The following SMIM24 variants were observed in gnomAD, a reference collection of about 807,000 sequenced individuals.
SMIM24 encodes MAP17-related dimer.
A neutral mutation model predicts 10.8 loss-of-function variants in SMIM24; 6 were observed. The observed-to-expected ratio is 0.55, with a 90% CI of 0.30 to 1.09. The LOEUF is 1.09. Among genes scored for constraint, SMIM24 ranks in the 50% least tolerant of loss-of-function variants. The probability of loss-of-function intolerance (pLI) is 0.06; values close to 1 mark genes in which losing one functional copy is unlikely to be tolerated. For missense variants in SMIM24, 151 were observed against 153.4 expected (o/e 0.98, Z 0.08); for synonymous variants, 71 against 62.4 (o/e 1.14, Z -0.65).
intron 3 of SMIM24, among the ~76,000 whole-genome samples, chr19:3,477,010 T>A (rs2082794804): frequency 7.3e-6 from 1 of 136,214 alleles, no homozygotes; most frequent in South Asian, 2.6e-4. Flanking sequence ...TGTGAACAGA[T>A]GAGTGGGTGG....
chr19:3,479,009 G>A, intron 1 of SMIM24, 80 bp from the exon 2 acceptor site: 6 of 1,161,554 alleles, frequency 5.2e-6, no homozygotes, highest in Non-Finnish European at 7.4e-6. Flanking sequence ...AGCAAGGAGA[G>A]AGAGAAGGTC....
chr19:3,475,391 T>C (rs999276240), intron 3 of SMIM24, among the ~76,000 whole-genome samples: 1 of 151,952 alleles, frequency 6.6e-6, no homozygotes, highest in African/African-American at 2.4e-5. Context: ...GGTGGGTAGG[T>C]GTGTAAAGAA....
chr19:3,475,837 G>A (rs567085443), intron 3 of SMIM24, among the ~76,000 whole-genome samples: 1 of 150,722 alleles, frequency 6.6e-6, no homozygotes, highest in East Asian at 2.0e-4. Context: ...TTGATGGATG[G>A]TGGATGGAAG....
At chr19:3,475,067 A>G in intron 3 of SMIM24, 71 bp from the exon 4 acceptor site, 1 of 1,481,384 alleles carries the variant, frequency 6.8e-7, no homozygotes, top group Non-Finnish European at 9.1e-7. Context: ...CACTCACTTG[A>G]GCCAGCCCAT....
chr19:3,474,522 A>G lies in SMIM24; in HGVS notation c.*321T>C, dbSNP rs958751985. On this transcript the variant is annotated 3_prime_UTR_variant, in exon 4 of 4. Transcript: ENST00000215531. ...GTAGACATCAGGCAGAGAGAAAAGA[A>G]ATCAGGCAGTGGGGAGAAGCAGGTG... is the stretch of plus-strand genomic sequence containing the variant. 2.9e-6 allele frequency: 1 copy of G among 339,308 alleles called. No homozygotes were observed. The highest frequency in any genetic ancestry group is 5.4e-6 in the Non-Finnish European group (1 of 185,808). The allele number at this position is 339,308 out of a possible 1,614,324, so 21.0% of individuals were successfully genotyped here.
intron 3 of SMIM24, among the ~76,000 whole-genome samples, chr19:3,477,740 AATGGGTGAGTGGGTGG>A (rs1272871258): frequency 5.0e-4 from 27 of 54,114 alleles, no homozygotes; most frequent in Non-Finnish European, 9.3e-4. Flanking sequence ...TGAGTGGGTG[AATGGGTGAGTGGGTGG>A]ATGGGTGAGT....
At position 3,475,662 on chromosome 19, in the gene SMIM24, TGGTGGGTGAATTGATGGGTG is replaced by T. The variant is rs570749990; in HGVS notation, c.240-686_240-667del. Reference sequence around the variant, plus strand: ...GGTAGGTGGATAGGTGATGGATGGATGGTGGGTGAATTGATGGGTGGGTGGGTGGATAAGTGAATGGGTGG... The same window carrying T: ...GGTAGGTGGATAGGTGATGGATGGATGGTGGGTGGATAAGTGAATGGGTGG... On this transcript the variant is annotated intron_variant, in intron 3 of 3. Transcript: ENST00000215531. Among the ~76,000 whole-genome samples the T allele has an allele frequency of 3.3e-4, 45 of 137,326 alleles. No individual in the cohort carries two copies. In the South Asian group the frequency reaches 0.011, roughly 33 times the overall value. The allele number at this position is 137,326 out of a possible 152,430, so 90.1% of individuals were successfully genotyped here. A position where few individuals can be genotyped will look rare whatever the true frequency, so the allele number is the denominator to read the frequency against.
intron 2 of SMIM24, 34 bp downstream of exon 2, chr19:3,478,784 C>A (rs2082804045): frequency 1.8e-6 from 2 of 1,089,370 alleles, no homozygotes; most frequent in Admixed American, 3.4e-5. Context: ...GGGGGCAGGG[C>A]TGTGGGGGCA....
At chr19:3,475,576 T>C (rs1169765212) in intron 3 of SMIM24, among the ~76,000 whole-genome samples, 1 of 131,770 alleles carries the variant, frequency 7.6e-6, no homozygotes, top group Non-Finnish European at 1.6e-5. Flanking sequence ...AATGGATGAG[T>C]AGACAGATGA....
At position 3,480,392 on chromosome 19, in the gene SMIM24, C is replaced by T. The variant is rs1176716074; in HGVS notation, c.67+5G>A. 1 of 1,547,122 alleles carries T rather than the reference C, an allele frequency of 6.5e-7. No homozygotes were observed. Among genetic ancestry groups the T allele is most frequent in the Non-Finnish European group, 8.7e-7 (1 of 1,145,186 alleles). On this transcript the variant is annotated splice_donor_5th_base_variant and intron_variant, in intron 1 of 3. Coordinates refer to ENST00000215531, the MANE Select transcript of SMIM24 (RefSeq NM_001136503.2). ...CGACGCCCCCTCCCGCCCCCCTGCA[C>T]CTACCCTGCTGGGCCTCCACCGGGG...
At position 3,478,674 on chromosome 19, in the gene SMIM24, G is replaced by T. The variant is rs932360486; in HGVS notation, c.179+144C>A. ...GGGCGGGTGCAAGCCCGGGATCTGG[G>T]CTCTGAGAGTAGAGGTTGGAGGAGC... On this transcript the variant is annotated intron_variant, in intron 2 of 3. Coordinates refer to ENST00000215531, the MANE Select transcript of SMIM24 (RefSeq NM_001136503.2). The T allele has an allele frequency of 1.3e-4, 109 of 846,212 alleles. 2 individuals carry two copies. In the South Asian group the frequency reaches 1.6e-3, roughly 13 times the overall value. The allele number at this position is 846,212 out of a possible 1,614,324, so 52.4% of individuals were successfully genotyped here.
chr19:3,475,956 A>G lies in SMIM24; in HGVS notation c.240-960T>C, dbSNP rs146192928. The stretch of plus-strand genomic sequence containing the variant: ...AGTAGTTACATGAATGGACTGCTGC[A>G]TGGAGGTTGAATAAATGAATTGGAA... On this transcript the variant is annotated intron_variant, in intron 3 of 3. Coordinates refer to ENST00000215531, the MANE Select transcript of SMIM24 (RefSeq NM_001136503.2). Among the ~76,000 whole-genome samples the G allele has an allele frequency of 7.9e-4, 120 of 152,098 alleles. 1 individual carries two copies. Among genetic ancestry groups the G allele is most frequent in the African/African-American group, 2.7e-3 (113 of 41,488 alleles).
chr19:3,474,896 G>C lies in SMIM24; in HGVS notation c.340C>G (p.Leu114Val). ...TGGTCTCCGGGCTCTTTTTCCTCCAGATCCAGTCCCAAGTTGCTCTCTCCT... is the reference window on the plus strand; with the variant it reads ...TGGTCTCCGGGCTCTTTTTCCTCCACATCCAGTCCCAAGTTGCTCTCTCCT... ...KEGESNLGLD[L>V]EEKEPGDHER... The change falls in exon 4 of 4, where the codon CTG becomes GTG. Residue 114 changes from leucine to valine, a missense_variant. Coordinates refer to ENST00000215531, the MANE Select transcript of SMIM24 (RefSeq NM_001136503.2). 1 of 1,551,626 alleles carries C rather than the reference G, an allele frequency of 6.4e-7. No homozygotes were observed. Among genetic ancestry groups the C allele is most frequent in the Non-Finnish European group, 8.7e-7 (1 of 1,146,988 alleles).
chr19:3,480,364 CCGCG>C, intron 1 of SMIM24, 29 bp downstream of exon 1: 1 of 1,459,684 alleles, frequency 6.9e-7, no homozygotes, highest in Non-Finnish European at 9.2e-7. Context: ...CTCCCCTATC[CCGCG>C]ACGCCCCCTC....
intron 1 of SMIM24, 100 bp from the exon 2 acceptor site, chr19:3,479,029 G>T: frequency 1.1e-6 from 1 of 921,280 alleles, no homozygotes; most frequent in Non-Finnish European, 1.7e-6. Flanking sequence ...CACTGGGGGT[G>T]CTCCGACAGA....
chr19:3,478,432 A>G lies in SMIM24; in HGVS notation c.226T>C (p.Tyr76His). The change falls in exon 3 of 4, where the codon TAC (tyrosine) becomes CAC (histidine). Residue 76 changes from tyrosine to histidine, a missense_variant. Transcript: ENST00000215531. ...CACGCATAGTACCTCTGGTCCTGGTATAGGTTGGACTCCATTCTGAACGTG... is the reference window on the plus strand; with the variant it reads ...CACGCATAGTACCTCTGGTCCTGGTGTAGGTTGGACTCCATTCTGAACGTG... ...ETTFRMESNL[Y>H]QDQSEDKREK... The G allele has an allele frequency of 2.6e-6, 4 of 1,549,212 alleles. No individual in the cohort carries two copies. Among genetic ancestry groups the G allele is most frequent in the Non-Finnish European group, 3.5e-6 (4 of 1,146,276 alleles).
intron 3 of SMIM24, among the ~76,000 whole-genome samples, chr19:3,477,560 T>G (rs1376701471): frequency 3.0e-5 from 4 of 131,386 alleles, no homozygotes; most frequent in Non-Finnish European, 6.5e-5. Context: ...AGTGGGTGGA[T>G]GGGTGAGTGG....
intron 3 of SMIM24, among the ~76,000 whole-genome samples, chr19:3,477,371 A>G (rs2082797610): frequency 9.0e-6 from 1 of 110,782 alleles, no homozygotes; most frequent in Non-Finnish European, 1.8e-5. Flanking sequence ...TGGATGGGTG[A>G]TGAATGGATG....
chr19:3,479,964 C>T (rs1219976020), intron 1 of SMIM24, among the ~76,000 whole-genome samples: 1 of 122,122 alleles, frequency 8.2e-6, no homozygotes, highest in African/African-American at 3.2e-5. Context: ...GGGGGAGGGG[C>T]TTATAAAGAA....
Sources: allele counts gnomAD v4.1 joint callset (sites outside exome capture counted in the v4.1 genomes callset), GRCh38; gene constraint gnomAD v4.1.1; transcripts MANE v1.5; gene names NCBI Gene and HGNC (gene_info 2026-07-23, HGNC 2026-07-21).